EXT1: variants seen among roughly 807,000 people sequenced by gnomAD.
EXT1 encodes the protein exostosin-1.
In EXT1, 20 loss-of-function variants were observed where a neutral mutation model predicts 82.5. The ratio of observed to expected loss-of-function variants is 0.24; its 90% CI spans 0.17 to 0.35. The LOEUF (loss-of-function observed/expected upper bound fraction) is 0.35. EXT1 is among the 10% of genes least tolerant of loss of function. The probability of loss-of-function intolerance (pLI) is 1.00; values close to 1 mark genes in which losing one functional copy is unlikely to be tolerated. For synonymous variants in EXT1, 348 were observed against 350.8 expected, an observed-to-expected ratio of 0.99 and a Z score of 0.09; for missense variants, 757 against 936.5, an observed-to-expected ratio of 0.81 and a Z score of 2.50.
chr8:117,932,580 A>G (rs1221545628), intron 1 of EXT1, among the ~76,000 whole-genome samples: 1 of 152,052 alleles, frequency 6.6e-6, no homozygotes, highest in Non-Finnish European at 1.5e-5. Context: ...GTCTGCCCAC[A>G]CCTCACTGTC....
At position 118,110,768 on chromosome 8, in the gene EXT1, G is replaced by A. The variant is rs1227875610; in HGVS notation, c.279C>T (p.Tyr93=). Residue 93 remains tyrosine, a synonymous_variant, in exon 1 of 11, where the codon TAC becomes TAT. Coordinates refer to ENST00000378204, the MANE Select transcript of EXT1 (RefSeq NM_000127.3). Reference sequence around the variant, plus strand: ...ACTCCATGCGGCACTTCTTGCCTTTGTAGATGCTGGAGTTGGCATCTCGCT... The same window carrying A: ...ACTCCATGCGGCACTTCTTGCCTTTATAGATGCTGGAGTTGGCATCTCGCT... ...RQKRDANSSI[Y]KGKKCRMESC... is the part of the protein sequence containing the mutation. 2 of 1,614,194 alleles carry A rather than the reference G, an allele frequency of 1.2e-6. No individual in the cohort carries two copies. The highest frequency in any genetic ancestry group is 1.7e-6 in the Non-Finnish European group (2 of 1,180,042).
chr8:118,024,988 C>A (rs780803127), intron 1 of EXT1, among the ~76,000 whole-genome samples: 2 of 152,080 alleles, frequency 1.3e-5, no homozygotes, highest in African/African-American at 4.8e-5. Context: ...TTTCTATGTA[C>A]GTGTATGTAT....
chr8:117,920,651 G>T (rs183772211), intron 1 of EXT1, among the ~76,000 whole-genome samples: 2 of 152,110 alleles, frequency 1.3e-5, no homozygotes, highest in African/African-American at 4.8e-5. Context: ...GCCTTTACAC[G>T]ACCAATACGC....
At chr8:117,852,655 G>T (rs1812475106) in intron 1 of EXT1, among the ~76,000 whole-genome samples, 1 of 152,082 alleles carries the variant, frequency 6.6e-6, no homozygotes, top group Admixed American at 6.6e-5. Flanking sequence ...TACTATGTGT[G>T]CAGGTCTTTA....
intron 1 of EXT1, among the ~76,000 whole-genome samples, chr8:118,077,904 T>C (rs1035839429): frequency 1.3e-5 from 2 of 152,160 alleles, no homozygotes; most frequent in Non-Finnish European, 2.9e-5. Context: ...AAAAAGAACA[T>C]TTATGAATAC....
chr8:117,941,907 A>G (rs1172725758), intron 1 of EXT1, among the ~76,000 whole-genome samples: 1 of 152,194 alleles, frequency 6.6e-6, no homozygotes. Flanking sequence ...TGTGAATGCC[A>G]TGACTGTCAC....
At chr8:118,004,494 A>C (rs1815735214) in intron 1 of EXT1, among the ~76,000 whole-genome samples, 1 of 152,240 alleles carries the variant, frequency 6.6e-6, no homozygotes, top group South Asian at 2.1e-4. Flanking sequence ...CTGAGGAGGA[A>C]GAAGCACTGA....
intron 1 of EXT1, among the ~76,000 whole-genome samples, chr8:118,024,886 A>C (rs898752996): frequency 6.6e-6 from 1 of 152,218 alleles, no homozygotes; most frequent in African/African-American, 2.4e-5. Context: ...TGAGATATTA[A>C]ATATTGATGT....
chr8:118,108,139 T>C (rs1817832145), intron 1 of EXT1, among the ~76,000 whole-genome samples: 1 of 152,170 alleles, frequency 6.6e-6, no homozygotes, highest in South Asian at 2.1e-4. Context: ...TCATTGCTGA[T>C]CTCTAGAAAA....
At chr8:118,060,834 A>G (rs1241564077) in intron 1 of EXT1, among the ~76,000 whole-genome samples, 1 of 152,196 alleles carries the variant, frequency 6.6e-6, no homozygotes, top group African/African-American at 2.4e-5. Flanking sequence ...TTTGGAGCAC[A>G]AGTATTATTC....
intron 1 of EXT1, among the ~76,000 whole-genome samples, chr8:118,013,382 T>C (rs1017051531): frequency 6.6e-6 from 1 of 152,160 alleles, no homozygotes; most frequent in African/African-American, 2.4e-5. Flanking sequence ...CTAATTTTTG[T>C]ATTTTTAGTA....
intron 1 of EXT1, among the ~76,000 whole-genome samples, chr8:117,894,618 C>T (rs185620468): frequency 2.0e-4 from 31 of 152,268 alleles, no homozygotes; most frequent in Admixed American, 9.2e-4. Context: ...GGGAGAGATA[C>T]GTCCCTTTGG....
At chr8:117,898,773 T>C (rs1041091924) in intron 1 of EXT1, among the ~76,000 whole-genome samples, 2 of 151,944 alleles carry the variant, frequency 1.3e-5, no homozygotes, top group Non-Finnish European at 2.9e-5. Context: ...CTTGCAGCAA[T>C]GTATTTATGG....
In EXT1 at chr8:117,898,959, T is replaced by C. The variant is rs569575821; in HGVS notation, c.963-61758A>G. Among the ~76,000 whole-genome samples the C allele has an allele frequency of 2.4e-4, 37 of 152,262 alleles. 1 individual carries two copies. Among genetic ancestry groups the C allele is most frequent in the Admixed American group, 2.0e-3 (30 of 15,300 alleles). The stretch of plus-strand genomic sequence containing the variant: ...TTCAAAACACTGACCCCCAAATGCT[T>C]CCTTTTTTTACCCTCTAAATCTGAA... On this transcript the variant is annotated intron_variant, in intron 1 of 10. Coordinates refer to ENST00000378204, the MANE Select transcript of EXT1 (RefSeq NM_000127.3).
intron 1 of EXT1, among the ~76,000 whole-genome samples, chr8:118,070,238 G>A (rs1298407611): frequency 8.1e-6 from 1 of 123,572 alleles, no homozygotes; most frequent in Admixed American, 7.4e-5. Flanking sequence ...GTGTGTGTGT[G>A]TGTGTGTGTG....
chr8:117,868,973 T>C (rs959561528), intron 1 of EXT1, among the ~76,000 whole-genome samples: 1 of 152,108 alleles, frequency 6.6e-6, no homozygotes, highest in African/African-American at 2.4e-5. Flanking sequence ...TCCACTAACC[T>C]GGCCTGGGGC....
chr8:118,079,632 T>TC (rs1817274504), intron 1 of EXT1, among the ~76,000 whole-genome samples: 1 of 152,064 alleles, frequency 6.6e-6, no homozygotes, highest in Non-Finnish European at 1.5e-5. Flanking sequence ...ATACAAAGAA[T>TC]CCCAGCCATT....
intron 1 of EXT1, among the ~76,000 whole-genome samples, chr8:117,842,645 A>C (rs1812290489): frequency 6.6e-6 from 1 of 152,276 alleles, no homozygotes. Context: ...ACAATTAAAA[A>C]GAATGAAAAC....
chr8:117,938,182 C>T (rs1814203322), intron 1 of EXT1, among the ~76,000 whole-genome samples: 1 of 152,112 alleles, frequency 6.6e-6, no homozygotes, highest in South Asian at 2.1e-4. Context: ...ATTAAACAGA[C>T]CAGGCACGGT....
Sources: gnomAD v4.1 joint callset for allele counts (sites outside exome capture counted in the v4.1 genomes callset) on GRCh38, gnomAD v4.1.1 for gene constraint, MANE v1.5 for transcripts, NCBI Gene and HGNC (gene_info 2026-07-23, HGNC 2026-07-21) for gene names.